Variants in NPNT observed in about 807,000 individuals in gnomAD.
NPNT encodes preosteoblast EGF-like repeat protein with MAM domain.
NPNT carries 45 observed loss-of-function variants against 68.6 expected under a neutral mutation model. That is an observed-to-expected ratio of 0.66 (90% CI 0.52 to 0.84). The LOEUF (loss-of-function observed/expected upper bound fraction) is 0.84. NPNT is among the 40% of genes least tolerant of loss of function. The probability of loss-of-function intolerance (pLI) is 0.00; values close to 1 mark genes in which losing one functional copy is unlikely to be tolerated. For missense variants in NPNT, 672 were observed against 714.8 expected, an observed-to-expected ratio of 0.94 and a Z score of 0.68; for synonymous variants, 233 against 253.3, an observed-to-expected ratio of 0.92 and a Z score of 0.76.
intron 8 of NPNT, 116 bp from the exon 9 acceptor site, chr4:105,958,355 C>T: frequency 2.0e-6 from 1 of 504,406 alleles, no homozygotes; most frequent in Admixed American, 3.8e-5. Context: ...ATTTTGGATT[C>T]ATCCAGATGA....
intron 2 of NPNT, among the ~76,000 whole-genome samples, chr4:105,917,564 A>G (rs1484548077): frequency 6.6e-6 from 1 of 152,208 alleles, no homozygotes; most frequent in Non-Finnish European, 1.5e-5. Flanking sequence ...TATAAGATAT[A>G]TATATTTAAA....
At chr4:105,944,232 C>T (rs1730202858) in intron 8 of NPNT, among the ~76,000 whole-genome samples, 1 of 152,124 alleles carries the variant, frequency 6.6e-6, no homozygotes, top group Non-Finnish European at 1.5e-5. Flanking sequence ...ATTTTCTCCT[C>T]ACCCCCTCTC....
chr4:105,962,929 G>C (rs1731844796), intron 10 of NPNT, among the ~76,000 whole-genome samples: 1 of 151,530 alleles, frequency 6.6e-6, no homozygotes, highest in Non-Finnish European at 1.5e-5. Context: ...GGCCAGAGAA[G>C]AATATAAAAA....
chr4:105,966,887 G>T (rs947235665), intron 10 of NPNT, among the ~76,000 whole-genome samples: 1 of 152,066 alleles, frequency 6.6e-6, no homozygotes, highest in East Asian at 1.9e-4. Flanking sequence ...TGTATATGTT[G>T]TTGTATGCCT....
chr4:105,937,253 C>T lies in NPNT; in HGVS notation c.385+125C>T, dbSNP rs1729563623. On this transcript the variant is annotated intron_variant, in intron 4 of 11. Transcript: ENST00000379987. ...AACAAGATGTGTGCGTGTGTTTATA[C>T]TTTTGCCTGAGGAATTGAAAATCAA... is the stretch of plus-strand genomic sequence containing the variant. 13 of 867,128 alleles carry T rather than the reference C, an allele frequency of 1.5e-5. No individual in the cohort carries two copies. In the South Asian group the frequency reaches 2.6e-4, roughly 18 times the overall value. The allele number at this position is 867,128 out of a possible 1,614,324, so 53.7% of individuals were successfully genotyped here. A position where few individuals can be genotyped will look rare whatever the true frequency, so the allele number is the denominator to read the frequency against.
At chr4:105,927,650 A>T (rs1464142022) in intron 3 of NPNT, 1 of 256,956 alleles carries the variant, frequency 3.9e-6, no homozygotes, top group Non-Finnish European at 7.4e-6. Flanking sequence ...GATACTAATT[A>T]AAATGTATTT....
rs34712979 is a variant in NPNT at position 105,897,896 on chromosome 4, G to A, written c.72-5G>A. ...TTATTTATTTTGAATCTTTTTTTTTGGTAGGTGGCCCAGGCAAATAGTGTC... is the reference window on the plus strand; with the variant it reads ...TTATTTATTTTGAATCTTTTTTTTTAGTAGGTGGCCCAGGCAAATAGTGTC... On this transcript the variant is annotated splice_region_variant and splice_polypyrimidine_tract_variant and intron_variant, in intron 1 of 11. Coordinates refer to ENST00000379987, the MANE Select transcript of NPNT (RefSeq NM_001033047.3). The A allele has an allele frequency of 0.22, 343,673 of 1,593,794 alleles. 42,068 individuals are homozygous for A. The highest frequency in any genetic ancestry group is 0.25 in the Non-Finnish European group (295,226 of 1,163,180).
chr4:105,967,057 TTTC>T (rs1732200794), intron 10 of NPNT, 128 bp from the exon 11 acceptor site: 2 of 839,386 alleles, frequency 2.4e-6, no homozygotes, highest in African/African-American at 1.7e-5. Flanking sequence ...AAGTCATATT[TTTC>T]TTCTTCAAAA....
intron 2 of NPNT, among the ~76,000 whole-genome samples, chr4:105,917,705 G>A (rs896449837): frequency 6.6e-6 from 1 of 152,166 alleles, no homozygotes; most frequent in African/African-American, 2.4e-5. Flanking sequence ...ACTGACAGGT[G>A]AAGCCTGTCT....
intron 1 of NPNT, among the ~76,000 whole-genome samples, chr4:105,897,349 G>GT (rs935450126): frequency 1.2e-3 from 182 of 151,840 alleles, no homozygotes; most frequent in South Asian, 2.1e-3. Context: ...GTACTTTTTT[G>GT]TTTTTTTTGT....
intron 8 of NPNT, among the ~76,000 whole-genome samples, chr4:105,944,021 G>T (rs1196242197): frequency 1.3e-5 from 2 of 152,016 alleles, no homozygotes; most frequent in African/African-American, 4.8e-5. Context: ...TATCAGAGCC[G>T]CATTTTGCTT....
At chr4:105,935,064 A>G (rs1031611491) in intron 3 of NPNT, among the ~76,000 whole-genome samples, 2 of 152,178 alleles carry the variant, frequency 1.3e-5, no homozygotes, top group Non-Finnish European at 2.9e-5. Context: ...CTTGTTTATG[A>G]GCTGCCTGAA....
intron 8 of NPNT, among the ~76,000 whole-genome samples, chr4:105,956,699 C>T (rs887979009): frequency 1.3e-5 from 2 of 152,134 alleles, no homozygotes; most frequent in African/African-American, 2.4e-5. Context: ...AGGCACTCCC[C>T]GTCTCAGAGC....
Position 105,945,701 on chromosome 4 carries a change from C to A in NPNT, c.1159+2999C>A, listed in dbSNP as rs552968728. Among the ~76,000 whole-genome samples the A allele has an allele frequency of 2.6e-5, 4 of 152,290 alleles. No individual in the cohort carries two copies. In the East Asian group the frequency reaches 7.7e-4, roughly 29 times the overall value. ...GAATACAGGCCCAAAATCCTTTATC[C>A]AAATAACTTATGGAATATAGCATTT... On this transcript the variant is annotated intron_variant, in intron 8 of 11. Transcript: ENST00000379987.
At chr4:105,896,835 G>A (rs1445838519) in intron 1 of NPNT, among the ~76,000 whole-genome samples, 2 of 152,178 alleles carry the variant, frequency 1.3e-5, no homozygotes, top group Non-Finnish European at 2.9e-5. Context: ...TTTGTACTTT[G>A]GGCCTGGGGG....
chr4:105,910,856 T>C (rs1284404453), intron 2 of NPNT, among the ~76,000 whole-genome samples: 1 of 152,146 alleles, frequency 6.6e-6, no homozygotes, highest in Admixed American at 6.5e-5. Flanking sequence ...TATACAAAAC[T>C]GTTTGGCTAT....
chr4:105,907,648 C>T (rs1329011313), intron 2 of NPNT, among the ~76,000 whole-genome samples: 1 of 151,714 alleles, frequency 6.6e-6, no homozygotes, highest in African/African-American at 2.4e-5. Context: ...TAGAAAAATA[C>T]TAGTAGCATA....
rs149583286 is a variant in NPNT, at chr4:105,967,247, G to A, written c.1405G>A (p.Val469Met). 3.7e-6 allele frequency: 6 copies of A among 1,613,894 alleles called. No individual in the cohort carries two copies. In the African/African-American group the frequency reaches 5.3e-5, roughly 14 times the overall value. Residue 469 changes from valine (V) to methionine (M), a missense_variant, in exon 11 of 12, where the codon GTG (valine) becomes ATG (methionine). By Grantham distance (21) the Val-to-Met change is conservative. Coordinates refer to ENST00000379987, the MANE Select transcript of NPNT (RefSeq NM_001033047.3). ...CCCAGGGGGAAAAGCTGCACGCTTG[G>A]TGCTACCTCTCGGCCGCCTCATGCA... Reference protein sequence around the residue: ...KAPGGKAARLVLPLGRLMHSG... With the variant: ...KAPGGKAARLMLPLGRLMHSG...
At position 105,962,241 on chromosome 4, in the gene NPNT, T is replaced by C. The variant is rs1731774408; in HGVS notation, c.1345+3115T>C. Among the ~76,000 whole-genome samples, 5 of 152,198 alleles carry C rather than the reference T, an allele frequency of 3.3e-5. No individual in the cohort carries two copies. In the South Asian group the frequency reaches 1.0e-3, roughly 32 times the overall value. The stretch of plus-strand genomic sequence containing the variant: ...TTTTTCTAATATGAGAAGAATAGAG[T>C]TGGTCACTTAGAAGAGGATGACCTG... On this transcript the variant is annotated intron_variant, in intron 10 of 11. Coordinates refer to ENST00000379987, the MANE Select transcript of NPNT (RefSeq NM_001033047.3).
Sources: gnomAD v4.1 joint callset for allele counts (sites outside exome capture counted in the v4.1 genomes callset) on GRCh38, gnomAD v4.1.1 for gene constraint, MANE v1.5 for transcripts, NCBI Gene and HGNC (gene_info 2026-07-23, HGNC 2026-07-21) for gene names.